Variants in INTS3 observed in about 807,000 individuals in gnomAD.
INTS3 encodes the protein integrator complex subunit 3.
INTS3 carries 34 observed loss-of-function variants against 146.3 expected under a neutral mutation model. The observed-to-expected ratio is 0.23, with a 90% CI of 0.18 to 0.31. The LOEUF (loss-of-function observed/expected upper bound fraction) is 0.31. INTS3 is among the 10% of genes least tolerant of loss of function. INTS3 has a pLI of 1.00. For missense variants in INTS3, 757 were observed against 1,304.2 expected (o/e 0.58, Z 6.46); for synonymous variants, 475 against 494.9 (o/e 0.96, Z 0.53).
At chr1:153,730,801 C>T (rs1671033072) in intron 1 of INTS3, among the ~76,000 whole-genome samples, 1 of 152,128 alleles carries the variant, frequency 6.6e-6, no homozygotes. Flanking sequence ...CTTCTTTGCC[C>T]TTTGTCCTTT....
Position 153,770,100 on chromosome 1 carries a change from T to TGCGCGCGCGCGCGC in INTS3, c.2390-97_2390-96insCGCGCGCGCGCGCG, listed in dbSNP as rs1318371585. 28 of 409,106 alleles carry TGCGCGCGCGCGCGC rather than the reference T, an allele frequency of 6.8e-5. No homozygotes were observed. In the African/African-American group the frequency reaches 1.2e-3, roughly 17 times the overall value. The allele number at this position is 409,106 out of a possible 1,614,324, so 25.3% of individuals were successfully genotyped here. A position where few individuals can be genotyped will look rare whatever the true frequency, so the allele number is the denominator to read the frequency against. On this transcript the variant is annotated intron_variant, in intron 23 of 29. Coordinates refer to ENST00000318967, the MANE Select transcript of INTS3 (RefSeq NM_023015.5). ...GTGTGTGTGTGTGTGTGTGTGTGTG[T>TGCGCGCGCGCGCGC]GTGCTGGTAGTCAGTGGATGGGGGG...
At chr1:153,729,555 C>T (rs997451144) in intron 1 of INTS3, among the ~76,000 whole-genome samples, 2 of 152,120 alleles carry the variant, frequency 1.3e-5, no homozygotes, top group South Asian at 4.1e-4. Flanking sequence ...CTCCTACAAA[C>T]GAGAATATGT....
In INTS3 at chr1:153,747,429, G is replaced by A. The variant is rs111373978; in HGVS notation, c.517+66G>A. ...GCCCAGAGACTACATAGAGACAATGGAGAATGATTAAGTGCCAAAGGGATG... is the reference window on the plus strand; with the variant it reads ...GCCCAGAGACTACATAGAGACAATGAAGAATGATTAAGTGCCAAAGGGATG... On this transcript the variant is annotated intron_variant, in intron 5 of 29. Coordinates refer to ENST00000318967, the MANE Select transcript of INTS3 (RefSeq NM_023015.5). The A allele has an allele frequency of 2.0e-5, 25 of 1,233,360 alleles. 1 individual carries two copies. Among genetic ancestry groups the A allele is most frequent in the African/African-American group, 1.5e-4 (10 of 67,588 alleles). The allele number at this position is 1,233,360 out of a possible 1,614,324, so 76.4% of individuals were successfully genotyped here. A position where few individuals can be genotyped will look rare whatever the true frequency, so the allele number is the denominator to read the frequency against.
chr1:153,765,496 T>C (rs978159109), intron 20 of INTS3, among the ~76,000 whole-genome samples: 3 of 152,084 alleles, frequency 2.0e-5, no homozygotes, highest in Non-Finnish European at 4.4e-5. Flanking sequence ...CGCCCAGTTA[T>C]TGGTTTTGGG....
At chr1:153,747,809 A>G in intron 5 of INTS3, 1 of 195,854 alleles carries the variant, frequency 5.1e-6, no homozygotes, top group Admixed American at 5.3e-5. Flanking sequence ...GGCCAGAATG[A>G]GGGACAAACT....
In INTS3 at chr1:153,773,045, C is replaced by G. The variant is rs762745695; in HGVS notation, c.3015C>G (p.Pro1005=). ...GTCGAAAGAATGCCACACAGCCCCC[C>G]AATGCCGAAGAAGAGTCGGGCTCCA... ...PRSRKNATQP[P]NAEEESGSSS... Residue 1005 remains proline (P), a synonymous_variant, in exon 29 of 30, where the codon CCC becomes CCG. Transcript: ENST00000318967. The G allele has an allele frequency of 6.2e-7, 1 of 1,614,084 alleles. No homozygotes were observed. The highest frequency in any genetic ancestry group is 1.3e-5 in the African/African-American group (1 of 74,926).
At chr1:153,759,992 T>A in intron 11 of INTS3, 1 of 504,376 alleles carries the variant, frequency 2.0e-6, no homozygotes, top group Non-Finnish European at 3.5e-6. Context: ...TTGGGTCTGC[T>A]CAGTGGAAAT....
chr1:153,755,869 T>C (rs1221128551), intron 9 of INTS3, among the ~76,000 whole-genome samples: 1 of 152,026 alleles, frequency 6.6e-6, no homozygotes, highest in Non-Finnish European at 1.5e-5. Context: ...TGAAACCCCG[T>C]CTCTACTAAA....
chr1:153,755,079 T>C (rs1429515116), intron 9 of INTS3, among the ~76,000 whole-genome samples: 1 of 152,220 alleles, frequency 6.6e-6, no homozygotes, highest in Non-Finnish European at 1.5e-5. Flanking sequence ...AGAGTGAAAG[T>C]GTTCACGCTA....
chr1:153,734,451 C>T (rs1018063231), intron 1 of INTS3, among the ~76,000 whole-genome samples: 1 of 152,204 alleles, frequency 6.6e-6, no homozygotes, highest in Non-Finnish European at 1.5e-5. Flanking sequence ...CTGGGCCTCT[C>T]ATTTTTTCCT....
At chr1:153,748,656 G>A (rs770506188) in intron 5 of INTS3, 33 bp from the exon 6 acceptor site, 12 of 1,578,234 alleles carry the variant, frequency 7.6e-6, no homozygotes, top group East Asian at 2.2e-5. Context: ...CTTGCTAATC[G>A]GAGCTATTCT....
intron 1 of INTS3, among the ~76,000 whole-genome samples, chr1:153,738,498 A>C (rs1255588718): frequency 1.3e-5 from 2 of 152,200 alleles, no homozygotes; most frequent in Non-Finnish European, 2.9e-5. Flanking sequence ...TTGGCAAGAA[A>C]ACCATAAAAG....
intron 1 of INTS3, 76 bp from the exon 2 acceptor site, chr1:153,740,575 T>TA: frequency 8.9e-7 from 1 of 1,122,888 alleles, no homozygotes; most frequent in Non-Finnish European, 1.4e-6. Flanking sequence ...TTTGAATTGT[T>TA]AAACTTTTAG....
chr1:153,770,095 GTGTGTGTGC>G, intron 23 of INTS3, 94 bp from the exon 24 acceptor site: 2 of 484,734 alleles, frequency 4.1e-6, no homozygotes, highest in South Asian at 2.0e-5. Flanking sequence ...GTGTGTGTGT[GTGTGTGTGC>G]TGGTAGTCAG....
At chr1:153,741,690 A>C (rs1379543817) in intron 3 of INTS3, among the ~76,000 whole-genome samples, 1 of 152,262 alleles carries the variant, frequency 6.6e-6, no homozygotes, top group Non-Finnish European at 1.5e-5. Context: ...AACCAAGTCC[A>C]TGAGAGTTCT....
At position 153,761,621 on chromosome 1, in the gene INTS3, A is replaced by G. The variant is rs781392553; in HGVS notation, c.1461A>G (p.Ala487=). 6.2e-7 allele frequency: 1 copy of G among 1,614,204 alleles called. No homozygotes were observed. The highest frequency in any genetic ancestry group is 8.5e-7 in the Non-Finnish European group (1 of 1,180,026). Residue 487 remains alanine, a synonymous_variant, in exon 14 of 30, where the codon GCA becomes GCG. Transcript: ENST00000318967. The stretch of plus-strand genomic sequence containing the variant: ...CTAAGTTGGATAAGGAGCTGCGGGC[A>G]ATGCTGAGAGAGAAGTTTCCTGAGT... The part of the protein sequence containing the change: ...DNPKLDKELR[A]MLREKFPEFC...
At chr1:153,761,471 C>T in intron 13 of INTS3, 99 bp from the exon 14 acceptor site, 4 of 824,826 alleles carry the variant, frequency 4.8e-6, no homozygotes, top group South Asian at 4.8e-5. Context: ...GATTGTGCCA[C>T]TGCACTCCAG....
Position 153,772,009 on chromosome 1 carries a change from G to A in INTS3, c.2720+46G>A. The A allele has an allele frequency of 6.5e-7, 1 of 1,539,300 alleles. No individual in the cohort carries two copies. Among genetic ancestry groups the A allele is most frequent in the Non-Finnish European group, 8.8e-7 (1 of 1,132,374 alleles). On this transcript the variant is annotated intron_variant, in intron 26 of 29. Coordinates refer to ENST00000318967, the MANE Select transcript of INTS3 (RefSeq NM_023015.5). This position sits in a 1 kb window ranked among gnomAD's most constrained non-coding sequence, Gnocchi z 4.6. ...ACCCTCCAGGCCATGGCGGTCTGCA[G>A]TGATTGCTGTCGGTGGTGGTGGTGG...
chr1:153,741,148 G>A, intron 2 of INTS3, 137 bp from the exon 3 acceptor site: 1 of 726,468 alleles, frequency 1.4e-6, no homozygotes, highest in East Asian at 2.5e-5. Flanking sequence ...TTTAAGAGAA[G>A]GAAATCATCA....
Sources: gnomAD v4.1 joint callset for allele counts (sites outside exome capture counted in the v4.1 genomes callset) on GRCh38, gnomAD v4.1.1 for gene constraint, Gnocchi (gnomAD v3.1) non-coding constraint, MANE v1.5 for transcripts, NCBI Gene and HGNC (gene_info 2026-07-23, HGNC 2026-07-21) for gene names.